Variants in GALK2 observed in about 807,000 individuals in gnomAD.
GALK2 encodes N-acetylgalactosamine kinase.
A neutral mutation model predicts 52.4 loss-of-function variants in GALK2; 36 were observed. That is an observed-to-expected ratio of 0.69 (90% CI 0.53 to 0.91). The LOEUF is 0.91. GALK2 is among the 40% of genes least tolerant of loss of function. The pLI is 0.00. For missense variants in GALK2, 579 were observed against 559.1 expected (o/e 1.04, Z -0.36); for synonymous variants, 176 against 199.1 (o/e 0.88, Z 0.98).
intron 3 of GALK2, among the ~76,000 whole-genome samples, chr15:49,232,407 G>A (rs1244269487): frequency 1.3e-5 from 2 of 152,182 alleles, no homozygotes; most frequent in East Asian, 1.9e-4. Flanking sequence ...ACATGCCTGT[G>A]ATGGAAGGAA....
intron 5 of GALK2, among the ~76,000 whole-genome samples, chr15:49,251,772 C>G (rs768072004): frequency 1.4e-4 from 22 of 152,252 alleles, no homozygotes; most frequent in Non-Finnish European, 2.5e-4. Context: ...AATTATTAAG[C>G]TTTATTTTTA....
intron 2 of GALK2, among the ~76,000 whole-genome samples, chr15:49,215,786 A>G (rs2089317882): frequency 6.6e-6 from 1 of 152,136 alleles, no homozygotes. Context: ...GATACTCTTG[A>G]TGCTTGTGGA....
At chr15:49,295,375 C>T (rs190667696) in intron 8 of GALK2, among the ~76,000 whole-genome samples, 60 of 151,192 alleles carry the variant, frequency 4.0e-4, no homozygotes, top group African/African-American at 1.4e-3. Flanking sequence ...ATCTATCTAT[C>T]ATTGAATTTG....
chr15:49,251,208 G>A (rs2091585214), intron 5 of GALK2, among the ~76,000 whole-genome samples: 1 of 152,018 alleles, frequency 6.6e-6, no homozygotes, highest in Non-Finnish European at 1.5e-5. Context: ...AATTTAATCT[G>A]GTAATATTAT....
At chr15:49,322,388 G>T (rs564486891) in intron 9 of GALK2, among the ~76,000 whole-genome samples, 2 of 152,188 alleles carry the variant, frequency 1.3e-5, no homozygotes, top group Admixed American at 6.5e-5. Context: ...CTTCTGGCTT[G>T]TTGGCCAGAA....
chr15:49,156,538 C>A, intron 1 of GALK2: 1 of 513,326 alleles, frequency 1.9e-6, no homozygotes. Context: ...GTGTTGATTC[C>A]AAAGATCCTG....
chr15:49,258,223 C>T (rs1347350385), intron 5 of GALK2, among the ~76,000 whole-genome samples: 1 of 151,930 alleles, frequency 6.6e-6, no homozygotes, highest in Non-Finnish European at 1.5e-5. Flanking sequence ...TCTCATGGAG[C>T]TTACAATTAA....
chr15:49,181,679 T>C (rs2085981529), intron 1 of GALK2, among the ~76,000 whole-genome samples: 1 of 151,730 alleles, frequency 6.6e-6, no homozygotes, highest in Non-Finnish European at 1.5e-5. Flanking sequence ...GCCTGGCTAA[T>C]TTTTGTATTT....
At chr15:49,310,092 G>A (rs1262104564) in intron 8 of GALK2, among the ~76,000 whole-genome samples, 1 of 152,032 alleles carries the variant, frequency 6.6e-6, no homozygotes, top group East Asian at 1.9e-4. Context: ...ACTTCCATGA[G>A]CTCAGTTATT....
chr15:49,226,531 T>C (rs1381665200), intron 3 of GALK2: 1 of 152,118 alleles, frequency 6.6e-6, no homozygotes, highest in African/African-American at 2.4e-5. Flanking sequence ...TTATCTGCTA[T>C]CCCTCCAAAA....
chr15:49,214,440 C>T (rs1323880607), intron 2 of GALK2, among the ~76,000 whole-genome samples: 2 of 149,732 alleles, frequency 1.3e-5, no homozygotes, highest in African/African-American at 4.9e-5. Flanking sequence ...AAGCGATTCT[C>T]CTGCCTCAGC....
intron 6 of GALK2, 53 bp from the exon 7 acceptor site, chr15:49,283,513 C>A: frequency 6.9e-7 from 1 of 1,446,680 alleles, no homozygotes; most frequent in Non-Finnish European, 9.6e-7. Flanking sequence ...AACACTTGAA[C>A]ATTTTCTGCA....
At chr15:49,208,861 A>T (rs1424924149) in intron 2 of GALK2, among the ~76,000 whole-genome samples, 1 of 152,118 alleles carries the variant, frequency 6.6e-6, no homozygotes, top group African/African-American at 2.4e-5. Flanking sequence ...TATCTTTAGG[A>T]TTGTGATATT....
intron 5 of GALK2, among the ~76,000 whole-genome samples, chr15:49,245,323 A>G (rs936826457): frequency 3.3e-5 from 5 of 152,214 alleles, no homozygotes; most frequent in African/African-American, 1.2e-4. Context: ...GGGGATAGGG[A>G]TGACAGAGTG....
At chr15:49,254,463 CTT>C (rs2091732157) in intron 5 of GALK2, among the ~76,000 whole-genome samples, 1 of 144,126 alleles carries the variant, frequency 6.9e-6, no homozygotes, top group African/African-American at 2.5e-5. Flanking sequence ...AATCAGGACT[CTT>C]TATGCTGTCA....
At position 49,213,470 on chromosome 15, in the gene GALK2, C is replaced by T. The variant is rs141253055; in HGVS notation, c.143-3720C>T. ...AACCCATTGTCTAGGTTTTAAGCCC[C>T]GCATGCATTAGCTATTTGTCCTAAT... On this transcript the variant is annotated intron_variant, in intron 2 of 9. Transcript: ENST00000560031. Among the ~76,000 whole-genome samples, 1,168 of 152,182 alleles carry T rather than the reference C, an allele frequency of 7.7e-3. 15 individuals carry two copies. Among genetic ancestry groups the T allele is most frequent in the African/African-American group, 0.027 (1,123 of 41,516 alleles).
chr15:49,206,232 C>G (rs1213835940), intron 2 of GALK2, among the ~76,000 whole-genome samples: 1 of 151,488 alleles, frequency 6.6e-6, no homozygotes. Context: ...TTTTTGGTTC[C>G]ATATGAATTT....
rs561928601 is a variant in GALK2, at chr15:49,254,723, A to G, written c.504+15356A>G. 2.1e-5 allele frequency among the ~76,000 whole-genome samples: 3 copies of G among 144,016 alleles called. 1 individual carries two copies. Among genetic ancestry groups the G allele is most frequent in the South Asian group, 2.3e-4 (1 of 4,436 alleles). 94.5% of individuals were successfully genotyped at this position (144,016 alleles called of 152,430 possible). On this transcript the variant is annotated intron_variant, in intron 5 of 9. Coordinates refer to ENST00000560031, the MANE Select transcript of GALK2 (RefSeq NM_002044.4). ...TTTTAGGGATAGTTCACAGAAACCTATGTGTTAATGCAGGGTGCTTTTATA... is the reference window on the plus strand; with the variant it reads ...TTTTAGGGATAGTTCACAGAAACCTGTGTGTTAATGCAGGGTGCTTTTATA...
intron 3 of GALK2, among the ~76,000 whole-genome samples, chr15:49,345,182 G>A (rs2041285225): frequency 6.6e-6 from 1 of 152,070 alleles, no homozygotes; most frequent in African/African-American, 2.4e-5. Flanking sequence ...TCTTTGACTT[G>A]TACATTTATT....
Sources: gnomAD v4.1 joint callset for allele counts (sites outside exome capture counted in the v4.1 genomes callset) on GRCh38, gnomAD v4.1.1 for gene constraint, MANE v1.5 for transcripts, NCBI Gene and HGNC (gene_info 2026-07-23, HGNC 2026-07-21) for gene names.